The following ZHX2 variants were observed in gnomAD, a reference collection of about 807,000 sequenced individuals.
The protein encoded by ZHX2 is zinc fingers and homeoboxes protein 2.
Under a neutral mutation model 21.9 loss-of-function variants are expected in ZHX2, and 6 were observed. That is an observed-to-expected ratio of 0.27 (90% CI 0.15 to 0.54). The LOEUF (loss-of-function observed/expected upper bound fraction) is 0.54. Ranked by LOEUF, ZHX2 falls within the 20% of genes least tolerant of loss-of-function variation. The pLI is 0.95. For missense variants in ZHX2, 908 were observed against 1,090.7 expected (o/e 0.83, Z 2.36); for synonymous variants, 434 against 437.1 (o/e 0.99, Z 0.09).
chr8:122,793,046 C>A lies in ZHX2; in HGVS notation c.-283+11100C>A, dbSNP rs532795168. ...GCTGGAGAACCCATGCATCTGCAGT[C>A]CCCACAGTTAGCCTGGCTGGACTTG... is the stretch of plus-strand genomic sequence containing the variant. On this transcript the variant is annotated intron_variant, in intron 1 of 3. Transcript: ENST00000314393. Among the ~76,000 whole-genome samples, 4 of 152,306 alleles carry A rather than the reference C, an allele frequency of 2.6e-5. No homozygotes were observed. In the South Asian group the frequency reaches 8.3e-4, roughly 32 times the overall value.
At position 122,940,496 on chromosome 8, in the gene ZHX2, G is replaced by A. The variant is rs200292610; in HGVS notation, c.-219-10796G>A. Among the ~76,000 whole-genome samples, 18 of 152,196 alleles carry A rather than the reference G, an allele frequency of 1.2e-4. No homozygotes were observed. The East Asian group carries it at 2.9e-3, about 25-fold the overall frequency. ...ACACCCAGCCTCCTCTCAGGGCCCC[G>A]TGTCACCCAAATGTGTGGTGATGCT... On this transcript the variant is annotated intron_variant, in intron 2 of 3. Coordinates refer to ENST00000314393, the MANE Select transcript of ZHX2 (RefSeq NM_014943.5).
At chr8:122,916,847 G>A (rs754099640) in intron 2 of ZHX2, among the ~76,000 whole-genome samples, 14 of 151,344 alleles carry the variant, frequency 9.3e-5, no homozygotes, top group East Asian at 1.9e-4. Context: ...TTCTGGCTTC[G>A]TCTCCTGCCA....
intron 2 of ZHX2, among the ~76,000 whole-genome samples, chr8:122,938,859 A>T (rs1812770542): frequency 6.6e-6 from 1 of 152,112 alleles, no homozygotes; most frequent in Admixed American, 6.6e-5. Context: ...AAGAAGGAGA[A>T]GAAGAAGAAT....
intron 2 of ZHX2, among the ~76,000 whole-genome samples, chr8:122,885,844 C>T (rs1214934738): frequency 6.6e-6 from 1 of 152,156 alleles, no homozygotes; most frequent in Non-Finnish European, 1.5e-5. Context: ...AAGCCTCCTG[C>T]AAAAGCCCAT....
intron 2 of ZHX2, among the ~76,000 whole-genome samples, chr8:122,949,648 AGCCTGGACAACATGGCAAAAC>A (rs1295379633): frequency 1.3e-5 from 2 of 152,148 alleles, no homozygotes; most frequent in African/African-American, 2.4e-5. Context: ...GTTGGAGACC[AGCCTGGACAACATGGCAAAAC>A]CCCTGGACAA....
intron 1 of ZHX2, among the ~76,000 whole-genome samples, chr8:122,793,282 C>T (rs935855153): frequency 1.3e-5 from 2 of 152,188 alleles, no homozygotes; most frequent in African/African-American, 2.4e-5. Flanking sequence ...GAGGCCATCA[C>T]CCAGGGACCA....
At chr8:122,833,605 G>A (rs1818427449) in intron 1 of ZHX2, among the ~76,000 whole-genome samples, 1 of 152,250 alleles carries the variant, frequency 6.6e-6, no homozygotes, top group African/African-American at 2.4e-5. Context: ...GGGTTGATGC[G>A]TTGGGTACTA....
intron 2 of ZHX2, among the ~76,000 whole-genome samples, chr8:122,914,969 T>C (rs142242079): frequency 3.2e-3 from 483 of 152,334 alleles, no homozygotes; most frequent in South Asian, 0.015. Flanking sequence ...CTGCATCTGT[T>C]ACGTCTAGTT....
intron 2 of ZHX2, among the ~76,000 whole-genome samples, chr8:122,939,387 G>A (rs980918592): frequency 1.1e-4 from 15 of 138,448 alleles, no homozygotes; most frequent in Non-Finnish European, 1.9e-4. Flanking sequence ...TGGTGGAATC[G>A]AGCCGTCATG....
chr8:122,804,924 C>T (rs1238844336), intron 1 of ZHX2, among the ~76,000 whole-genome samples: 1 of 152,216 alleles, frequency 6.6e-6, no homozygotes, highest in Non-Finnish European at 1.5e-5. Flanking sequence ...ACAGCGGCCA[C>T]TCTGTTGCCT....
intron 1 of ZHX2, among the ~76,000 whole-genome samples, chr8:122,790,037 G>A (rs1046054627): frequency 2.6e-5 from 4 of 152,174 alleles, no homozygotes; most frequent in Admixed American, 2.0e-4. Flanking sequence ...ACTTGCATTC[G>A]AGAGTGTGAA....
intron 1 of ZHX2, among the ~76,000 whole-genome samples, chr8:122,837,149 T>C (rs1165595198): frequency 6.6e-6 from 1 of 152,176 alleles, no homozygotes; most frequent in African/African-American, 2.4e-5. Flanking sequence ...CCACCCCTTG[T>C]TTAGCATATC....
At chr8:122,781,512 C>A (rs207469848), upstream of ZHX2, 2 of 152,668 alleles carry the variant, frequency 1.3e-5, no homozygotes, top group East Asian at 1.9e-4. The surrounding 1 kb of genome is among the most constrained non-coding windows in gnomAD (Gnocchi z 4.6). Context: ...GCCTCCCCCC[C>A]AGCTCCTGCC....
rs143832500 is a variant in ZHX2 at position 122,865,408 on chromosome 8, G to A, written c.-220+1869G>A. Among the ~76,000 whole-genome samples the A allele has an allele frequency of 4.6e-3, 700 of 152,176 alleles. 7 individuals carry two copies. The highest frequency in any genetic ancestry group is 0.016 in the African/African-American group (669 of 41,514). ...CTTCCAAAGTGCTGGGATTACAGGC[G>A]TGAGCCACCACGCCCGGCCGACTTG... On this transcript the variant is annotated intron_variant, in intron 2 of 3. Transcript: ENST00000314393.
At chr8:122,917,725 T>C (rs62521602) in intron 2 of ZHX2, among the ~76,000 whole-genome samples, 46 of 152,250 alleles carry the variant, frequency 3.0e-4, no homozygotes, top group East Asian at 9.7e-4. Context: ...CCAAAACCCC[T>C]TGGGCCTTGG....
At chr8:122,827,632 A>G (rs1818289993) in intron 1 of ZHX2, among the ~76,000 whole-genome samples, 1 of 151,978 alleles carries the variant, frequency 6.6e-6, no homozygotes, top group Non-Finnish European at 1.5e-5. Flanking sequence ...AAAAAAGAGA[A>G]TCTGACTTCA....
intron 1 of ZHX2, among the ~76,000 whole-genome samples, chr8:122,841,228 G>A (rs571797805): frequency 2.0e-5 from 3 of 152,278 alleles, no homozygotes; most frequent in East Asian, 3.9e-4. Flanking sequence ...ACTCTCAAAC[G>A]GTGGAGCAGA....
At chr8:122,908,772 T>A (rs1190318309) in intron 2 of ZHX2, among the ~76,000 whole-genome samples, 1 of 152,164 alleles carries the variant, frequency 6.6e-6, no homozygotes, top group East Asian at 1.9e-4. Context: ...GTAAGAATGA[T>A]GAAGTGAGAA....
intron 2 of ZHX2, among the ~76,000 whole-genome samples, chr8:122,910,762 A>G (rs1026217201): frequency 6.7e-5 from 10 of 149,366 alleles, no homozygotes; most frequent in African/African-American, 2.4e-4. Context: ...GGGGTGAGGA[A>G]TACAGCCACT....
Sources: gnomAD v4.1 joint callset for allele counts (sites outside exome capture counted in the v4.1 genomes callset) on GRCh38, gnomAD v4.1.1 for gene constraint, Gnocchi (gnomAD v3.1) non-coding constraint, MANE v1.5 for transcripts, NCBI Gene and HGNC (gene_info 2026-07-23, HGNC 2026-07-21) for gene names.